The following TANC2 variants were observed in gnomAD, a reference collection of about 807,000 sequenced individuals.
The protein encoded by TANC2 is protein TANC2.
TANC2 carries 26 observed loss-of-function variants against 210.5 expected under a neutral mutation model. That is an observed-to-expected ratio of 0.12 (90% CI 0.09 to 0.17). The LOEUF (loss-of-function observed/expected upper bound fraction) is 0.17. Ranked by LOEUF, TANC2 falls within the 10% of genes least tolerant of loss-of-function variation. The probability of loss-of-function intolerance (pLI) is 1.00; values close to 1 mark genes in which losing one functional copy is unlikely to be tolerated. For missense variants in TANC2, 2,129 were observed against 2,608.9 expected, an observed-to-expected ratio of 0.82 and a Z score of 4.01; for synonymous variants, 931 against 967.1, an observed-to-expected ratio of 0.96 and a Z score of 0.69.
intron 12 of TANC2, 126 bp downstream of exon 12, chr17:63,340,458 G>A: frequency 2.8e-6 from 2 of 724,378 alleles, no homozygotes; most frequent in Non-Finnish European, 4.2e-6. Flanking sequence ...TGGATATCCT[G>A]TAGGATACAG....
intron 5 of TANC2, among the ~76,000 whole-genome samples, chr17:63,189,143 T>C (rs2145717646): frequency 6.6e-6 from 1 of 152,338 alleles, no homozygotes. Context: ...TGTTCCCTAA[T>C]GGGAATATAT....
Position 63,291,341 on chromosome 17 carries a change from T to C in TANC2, c.1160-23047T>C, listed in dbSNP as rs547613740. ...CATCCTTAACTGTCTTCCCCTAGCC[T>C]TCCTGTTCTACCAAAACCAAGTCTA... is the stretch of plus-strand genomic sequence containing the variant. On this transcript the variant is annotated intron_variant, in intron 9 of 27. Coordinates refer to ENST00000689528, the Ensembl canonical transcript of TANC2. 2.0e-5 allele frequency among the ~76,000 whole-genome samples: 3 copies of C among 152,336 alleles called. No individual in the cohort carries two copies. In the South Asian group the frequency reaches 6.2e-4, roughly 32 times the overall value.
chr17:63,378,175 G>T (rs940216384), intron 14 of TANC2, among the ~76,000 whole-genome samples: 1 of 152,136 alleles, frequency 6.6e-6, no homozygotes, highest in African/African-American at 2.4e-5. Context: ...CATCTCAAAG[G>T]TGATCTAGTG....
chr17:63,054,493 T>C (rs541085196), intron 2 of TANC2, among the ~76,000 whole-genome samples: 105 of 152,032 alleles, frequency 6.9e-4, no homozygotes, highest in African/African-American at 2.5e-3. Context: ...TGCCTCAGCC[T>C]CCCGAGTAGC....
intron 11 of TANC2, among the ~76,000 whole-genome samples, chr17:63,328,018 T>A (rs1406827111): frequency 6.6e-6 from 1 of 152,174 alleles, no homozygotes; most frequent in Non-Finnish European, 1.5e-5. Flanking sequence ...AGTGAGAACA[T>A]GCGGTGTTTG....
At chr17:63,330,528 C>T (rs888534030) in intron 11 of TANC2, among the ~76,000 whole-genome samples, 1 of 152,150 alleles carries the variant, frequency 6.6e-6, no homozygotes, top group Non-Finnish European at 1.5e-5. Context: ...GGTGACCATA[C>T]CAATTTAAAA....
chr17:63,226,555 A>G (rs1011305749), intron 7 of TANC2, among the ~76,000 whole-genome samples: 1 of 152,190 alleles, frequency 6.6e-6, no homozygotes, highest in African/African-American at 2.4e-5. Flanking sequence ...AGATCAGCAA[A>G]CACTGCAAAT....
chr17:63,028,116 G>A (rs1230050346), intron 2 of TANC2, among the ~76,000 whole-genome samples: 1 of 151,942 alleles, frequency 6.6e-6, no homozygotes, highest in East Asian at 1.9e-4. Context: ...ATACCTTACC[G>A]AGATGGAAAA....
intron 1 of TANC2, among the ~76,000 whole-genome samples, chr17:62,995,176 A>G (rs750510901): frequency 6.6e-5 from 10 of 152,114 alleles, no homozygotes; most frequent in Non-Finnish European, 1.0e-4. Flanking sequence ...CGTTCTTTTC[A>G]AGACCTTTTA....
intron 7 of TANC2, among the ~76,000 whole-genome samples, chr17:63,204,640 A>G (rs900242853): frequency 1.3e-5 from 2 of 152,194 alleles, no homozygotes; most frequent in African/African-American, 4.8e-5. Context: ...TAAAGAAGAA[A>G]GAAAGAAAGA....
intron 9 of TANC2, among the ~76,000 whole-genome samples, chr17:63,304,055 T>C (rs1366783627): frequency 1.3e-5 from 2 of 152,060 alleles, no homozygotes; most frequent in East Asian, 3.9e-4. Context: ...TCAGCGGAGT[T>C]TATTACCCAC....
At chr17:63,387,994 A>T (rs940924564) in intron 15 of TANC2, 1 of 152,300 alleles carries the variant, frequency 6.6e-6, no homozygotes, top group Non-Finnish European at 1.5e-5. Context: ...CTTACATCAC[A>T]GTACAGTGCA....
At chr17:63,078,091 T>TA (rs1379878475) in intron 3 of TANC2, among the ~76,000 whole-genome samples, 8 of 152,192 alleles carry the variant, frequency 5.3e-5, no homozygotes, top group African/African-American at 1.9e-4. Flanking sequence ...GTAGAATTGA[T>TA]ATTATTTCAT....
intron 21 of TANC2, among the ~76,000 whole-genome samples, chr17:63,410,389 C>G (rs867652194): frequency 7.1e-6 from 1 of 140,300 alleles, no homozygotes; most frequent in Non-Finnish European, 1.5e-5. Flanking sequence ...TTCTTTGATT[C>G]TATGAATTTA....
At chr17:63,101,193 C>T (rs895600621) in intron 4 of TANC2, among the ~76,000 whole-genome samples, 1 of 152,160 alleles carries the variant, frequency 6.6e-6, no homozygotes, top group Non-Finnish European at 1.5e-5. Context: ...TTAACCTAAT[C>T]ATCAGTTACC....
intron 14 of TANC2, among the ~76,000 whole-genome samples, chr17:63,361,669 T>C (rs2046961776): frequency 6.6e-6 from 1 of 152,204 alleles, no homozygotes; most frequent in South Asian, 2.1e-4. Context: ...ACTGCAGCTC[T>C]TCTCTCCTTC....
At chr17:63,375,010 A>T (rs2047382493) in intron 14 of TANC2, among the ~76,000 whole-genome samples, 1 of 151,966 alleles carries the variant, frequency 6.6e-6, no homozygotes, top group Non-Finnish European at 1.5e-5. Flanking sequence ...GGCAATATTT[A>T]AAAAAAAGAG....
chr17:62,998,184 C>CAAGTT (rs2033204598), intron 1 of TANC2, among the ~76,000 whole-genome samples: 1 of 152,060 alleles, frequency 6.6e-6, no homozygotes. Context: ...AGCTAGAAGA[C>CAAGTT]CAGTTCTCTG....
intron 1 of TANC2, among the ~76,000 whole-genome samples, chr17:62,988,463 C>T (rs1051376651): frequency 1.3e-5 from 2 of 152,030 alleles, no homozygotes; most frequent in Admixed American, 6.6e-5. Context: ...GCTCTAATTA[C>T]GTTTTTTGTA....
Sources: allele counts gnomAD v4.1 joint callset (sites outside exome capture counted in the v4.1 genomes callset), GRCh38; gene constraint gnomAD v4.1.1; transcripts MANE v1.5; gene names NCBI Gene and HGNC (gene_info 2026-07-23, HGNC 2026-07-21).